Variants in GLCE observed in about 807,000 individuals in gnomAD.
GLCE encodes glucuronic acid epimerase.
A neutral mutation model predicts 47.9 loss-of-function variants in GLCE; 19 were observed. The ratio of observed to expected loss-of-function variants is 0.40; its 90% CI spans 0.28 to 0.58. The LOEUF (loss-of-function observed/expected upper bound fraction) is 0.58, where lower values mean the gene tolerates loss of function less well. Ranked by LOEUF, GLCE falls within the 20% of genes least tolerant of loss-of-function variation. GLCE has a pLI of 0.48. For synonymous variants in GLCE, 245 were observed against 263.4 expected (o/e 0.93, Z 0.68); for missense variants, 556 against 743.3 (o/e 0.75, Z 2.93).
chr15:69,193,943 T>G (rs2051950242), intron 1 of GLCE, among the ~76,000 whole-genome samples: 2 of 152,114 alleles, frequency 1.3e-5, no homozygotes, highest in African/African-American at 4.8e-5. Context: ...ACCATCTATT[T>G]TTTTGGAGGA....
chr15:69,258,810 G>A (rs2052972053), intron 3 of GLCE, among the ~76,000 whole-genome samples: 1 of 152,066 alleles, frequency 6.6e-6, no homozygotes, highest in Non-Finnish European at 1.5e-5. Context: ...CTGGTATTTG[G>A]TAGCACAAAG....
intron 1 of GLCE, among the ~76,000 whole-genome samples, chr15:69,199,320 TAATTC>T (rs926229313): frequency 2.6e-5 from 4 of 152,202 alleles, no homozygotes; most frequent in Non-Finnish European, 5.9e-5. Flanking sequence ...TATTTTGAGA[TAATTC>T]AAGCTTCCAG....
At chr15:69,244,993 C>G in intron 2 of GLCE, among the ~76,000 whole-genome samples, 1 of 152,086 alleles carries the variant, frequency 6.6e-6, no homozygotes, top group East Asian at 1.9e-4. Flanking sequence ...TATGTTTATT[C>G]TGTACTGTAG....
At chr15:69,188,152 G>A (rs2051855547) in intron 1 of GLCE, among the ~76,000 whole-genome samples, 1 of 152,042 alleles carries the variant, frequency 6.6e-6, no homozygotes, top group African/African-American at 2.4e-5. Flanking sequence ...CTGAGGCAGA[G>A]AATCACTTGA....
chr15:69,212,837 C>T (rs549129759), intron 2 of GLCE, among the ~76,000 whole-genome samples: 2 of 152,168 alleles, frequency 1.3e-5, no homozygotes, highest in Admixed American at 6.5e-5. Context: ...GTTAGGAAGT[C>T]AACCTCCAAG....
intron 1 of GLCE, among the ~76,000 whole-genome samples, chr15:69,185,430 T>G (rs1406450722): frequency 2.0e-5 from 3 of 152,182 alleles, no homozygotes; most frequent in African/African-American, 7.2e-5. Context: ...AAAAGTTGCC[T>G]GAAGCGTTGT....
At chr15:69,176,159 A>G (rs899284766) in intron 1 of GLCE, among the ~76,000 whole-genome samples, 3 of 149,486 alleles carry the variant, frequency 2.0e-5, no homozygotes, top group African/African-American at 7.4e-5. Flanking sequence ...GCATTACCAC[A>G]TATTAAAGTC....
rs2052922151 is a variant in GLCE at position 69,256,198 on chromosome 15, C to T, written c.392C>T (p.Thr131Ile). The T allele has an allele frequency of 2.5e-6, 4 of 1,614,058 alleles. No individual in the cohort carries two copies. The highest frequency in any genetic ancestry group is 3.4e-6 in the Non-Finnish European group (4 of 1,179,980). ...REGNEVFLPF[T>I]WVEKYFDVYG... The stretch of plus-strand genomic sequence containing the variant: ...GGGAACGAAGTCTTTCTTCCATTCA[C>T]TTGGGTTGAGAAATATTTTGATGTT... Residue 131 changes from threonine to isoleucine, a missense_variant, in exon 3 of 5, where the codon ACT (threonine) becomes ATT (isoleucine). Transcript: ENST00000261858.
chr15:69,261,259 A>C lies in GLCE; in HGVS notation c.759A>C (p.Pro253=), dbSNP rs2053010196. ...ACAAGCCTAATGACTGGACTGTGCC[A>C]AAGGGCTGCTTTATGGCGAATGTGG... The part of the protein sequence containing the change: ...DKNKPNDWTV[P]KGCFMANVAD... Residue 253 remains proline (P), a synonymous_variant, in exon 4 of 5, where the codon CCA becomes CCC. Transcript: ENST00000261858. 6.2e-7 allele frequency: 1 copy of C among 1,614,134 alleles called. No homozygotes were observed. The highest frequency in any genetic ancestry group is 8.5e-7 in the Non-Finnish European group (1 of 1,179,976).
rs541620232 is a variant in GLCE, at chr15:69,264,150, A to G, written c.829+2821A>G. ...ATCTGAAGTTTGTACCCTTTGATCAACATCTCCCCATTTTTCCCACCCCCC... is the reference window on the plus strand; with the variant it reads ...ATCTGAAGTTTGTACCCTTTGATCAGCATCTCCCCATTTTTCCCACCCCCC... On this transcript the variant is annotated intron_variant, in intron 4 of 4. Coordinates refer to ENST00000261858, the MANE Select transcript of GLCE (RefSeq NM_015554.3). Among the ~76,000 whole-genome samples the G allele has an allele frequency of 1.3e-3, 196 of 152,156 alleles. 2 individuals carry two copies. Among genetic ancestry groups the G allele is most frequent in the African/African-American group, 4.5e-3 (187 of 41,496 alleles).
intron 2 of GLCE, among the ~76,000 whole-genome samples, chr15:69,231,333 G>A (rs2052518013): frequency 6.6e-6 from 1 of 151,326 alleles, no homozygotes; most frequent in African/African-American, 2.4e-5. Context: ...GCCCAGGCTG[G>A]AGTGCAGTGG....
At chr15:69,257,168 C>G (rs190332799) in intron 3 of GLCE, among the ~76,000 whole-genome samples, 266 of 152,256 alleles carry the variant, frequency 1.7e-3, no homozygotes, top group African/African-American at 6.2e-3. Flanking sequence ...TTTGTGCTCA[C>G]TTGGTGACCA....
At chr15:69,192,696 T>G (rs2051931148) in intron 1 of GLCE, among the ~76,000 whole-genome samples, 1 of 152,122 alleles carries the variant, frequency 6.6e-6, no homozygotes, top group Non-Finnish European at 1.5e-5. Flanking sequence ...CACTGTTACT[T>G]ACAGATAAGT....
intron 1 of GLCE, among the ~76,000 whole-genome samples, chr15:69,186,696 A>G (rs2051829333): frequency 6.6e-6 from 1 of 152,208 alleles, no homozygotes; most frequent in Non-Finnish European, 1.5e-5. Flanking sequence ...TAGTATATCC[A>G]ATGGCTACTT....
chr15:69,181,796 GTTTTTTT>G (rs2051752389), intron 1 of GLCE, among the ~76,000 whole-genome samples: 1 of 151,876 alleles, frequency 6.6e-6, no homozygotes, highest in African/African-American at 2.4e-5. Flanking sequence ...TGTTCAAAGA[GTTTTTTT>G]GTTTTTTGTT....
At chr15:69,195,520 T>C (rs1242560017) in intron 1 of GLCE, among the ~76,000 whole-genome samples, 2 of 152,140 alleles carry the variant, frequency 1.3e-5, no homozygotes, top group Admixed American at 6.6e-5. Flanking sequence ...ACTTTGAAAG[T>C]CTGTATCAGA....
intron 1 of GLCE, among the ~76,000 whole-genome samples, chr15:69,185,571 G>A (rs77695464): frequency 0.011 from 1,739 of 151,966 alleles, 24 homozygotes; most frequent in African/African-American, 0.038. Flanking sequence ...TGTAAGCCTG[G>A]AGAGAACTAC....
intron 1 of GLCE, among the ~76,000 whole-genome samples, chr15:69,205,285 A>T (rs1056909748): frequency 6.6e-6 from 1 of 152,142 alleles, no homozygotes; most frequent in African/African-American, 2.4e-5. Context: ...TACTCAGCAT[A>T]TGCCTTATAA....
rs777449812 is a variant in GLCE, at chr15:69,268,596, G to A, written c.1206G>A (p.Met402Ile). ...DNITISTTAH[M>I]AAFFAASDWL... ...TTACCATCTCTACCACAGCCCACATGGCTGCATTTTTTGCTGCTAGTGATT... is the reference window on the plus strand; with the variant it reads ...TTACCATCTCTACCACAGCCCACATAGCTGCATTTTTTGCTGCTAGTGATT... Residue 402 changes from methionine to isoleucine, a missense_variant, in exon 5 of 5, where the codon ATG (methionine) becomes ATA (isoleucine). Met to Ile is a conservative substitution (Grantham distance 10, BLOSUM62 1). Coordinates refer to ENST00000261858, the MANE Select transcript of GLCE (RefSeq NM_015554.3). The A allele has an allele frequency of 1.2e-6, 2 of 1,614,206 alleles. No individual in the cohort carries two copies. The highest frequency in any genetic ancestry group is 1.7e-6 in the Non-Finnish European group (2 of 1,180,038).
Sources: gnomAD v4.1 joint callset for allele counts (sites outside exome capture counted in the v4.1 genomes callset) on GRCh38, gnomAD v4.1.1 for gene constraint, MANE v1.5 for transcripts, NCBI Gene and HGNC (gene_info 2026-07-23, HGNC 2026-07-21) for gene names.